Variants in ITPR3 observed in about 807,000 individuals in gnomAD.
ITPR3 encodes the protein inositol 1,4,5-trisphosphate receptor type 3.
ITPR3 carries 173 observed loss-of-function variants against 293.2 expected under a neutral mutation model. The observed-to-expected ratio is 0.59, with a 90% CI of 0.52 to 0.67. The LOEUF is 0.67. Among genes scored for constraint, ITPR3 ranks in the 30% least tolerant of loss-of-function variants. The pLI, the probability that ITPR3 is intolerant of heterozygous loss-of-function variation, is 0.00. For synonymous variants in ITPR3, 1,295 were observed against 1,444.4 expected (o/e 0.90, Z 2.35); for missense variants, 2,796 against 3,592.1 (o/e 0.78, Z 5.66).
rs61492756 is a variant in ITPR3 at position 33,644,662 on chromosome 6, G to GTT, written c.160+4126_160+4127dup. 2.4e-3 allele frequency among the ~76,000 whole-genome samples: 293 copies of GTT among 124,338 alleles called. 3 individuals are homozygous for GTT. The highest frequency in any genetic ancestry group is 3.1e-3 in the South Asian group (12 of 3,888). The allele number at this position is 124,338 out of a possible 152,430, so 81.6% of individuals were successfully genotyped here. Reference sequence around the variant, plus strand: ...AGGGATGTAACTGTGCACAATATAGGTTTTTTTTTTTTTTTTTTTGAGACA... The same window carrying GTT: ...AGGGATGTAACTGTGCACAATATAGGTTTTTTTTTTTTTTTTTTTTTGAGACA... On this transcript the variant is annotated intron_variant, in intron 2 of 57. Transcript: ENST00000605930.
chr6:33,682,705 C>A lies in ITPR3; in HGVS notation c.4597+61C>A. 1.3e-6 allele frequency: 2 copies of A among 1,539,242 alleles called. No individual in the cohort carries two copies. The highest frequency in any genetic ancestry group is 1.7e-6 in the Non-Finnish European group (2 of 1,151,630). ...CTCCTCCTGCCGCTCACAGTGGGGACGCCTGCCCTCCTAATAAACACTTTA... is the reference window on the plus strand; with the variant it reads ...CTCCTCCTGCCGCTCACAGTGGGGAAGCCTGCCCTCCTAATAAACACTTTA... On this transcript the variant is annotated intron_variant, in intron 34 of 57. Transcript: ENST00000605930. This position sits in a 1 kb window ranked among gnomAD's most constrained non-coding sequence, Gnocchi z 5.4.
At chr6:33,627,006 C>T (rs796894186) in intron 1 of ITPR3, among the ~76,000 whole-genome samples, 8 of 152,238 alleles carry the variant, frequency 5.3e-5, no homozygotes, top group African/African-American at 1.9e-4. Context: ...TGGGGTTTCT[C>T]CATGTTGGTC....
chr6:33,650,681 T>C (rs1238201432), intron 2 of ITPR3, among the ~76,000 whole-genome samples: 2 of 152,190 alleles, frequency 1.3e-5, no homozygotes, highest in Non-Finnish European at 2.9e-5. Flanking sequence ...TCCAGTGAGT[T>C]TTAAATTTTG....
intron 39 of ITPR3, 149 bp downstream of exon 39, chr6:33,685,092 A>T: frequency 1.0e-6 from 1 of 992,434 alleles, no homozygotes; most frequent in Non-Finnish European, 1.5e-6. Context: ...AGTGGGCATG[A>T]TGGGGGCAGG....
At chr6:33,659,630 G>C in intron 7 of ITPR3, 81 bp downstream of exon 7, 1 of 1,219,174 alleles carries the variant, frequency 8.2e-7, no homozygotes, top group Non-Finnish European at 1.2e-6. Flanking sequence ...TTCTCCACCC[G>C]CCAGGCCTCA....
chr6:33,679,934 T>C lies in ITPR3; in HGVS notation c.4025T>C (p.Leu1342Pro), dbSNP rs1225954113. Residue 1342 changes from leucine (L) to proline (P), a missense_variant, in exon 31 of 58, where the codon CTG becomes CCG. This residue lies in a region of ITPR3 where 344 missense variants were observed against 460.3 expected (regional missense o/e 0.75). Transcript: ENST00000605930. The surrounding 1 kb of genome is among the most constrained non-coding windows in gnomAD (Gnocchi z 4.2). Reference protein sequence around the residue: ...VVVFYNDKASLAHLLDMMKAA... With the variant: ...VVVFYNDKASPAHLLDMMKAA... The stretch of plus-strand genomic sequence containing the variant: ...GTGTTCTACAATGATAAGGCATCGC[T>C]GGCCCACCTGCTGGACATGATGAAG... 4.3e-6 allele frequency: 7 copies of C among 1,613,752 alleles called. No individual in the cohort carries two copies. Among genetic ancestry groups the C allele is most frequent in the African/African-American group, 1.3e-5 (1 of 74,920 alleles).
Position 33,687,122 on chromosome 6 carries a change from G to C in ITPR3, c.6075+18G>C, listed in dbSNP as rs370225048. ...AGGAGCTGGTGAGGCTGGGCAGGTG[G>C]GCAGGCGGGCGGAACCAGGTGGAGT... On this transcript the variant is annotated intron_variant, in intron 44 of 57. Transcript: ENST00000605930. This position sits in a 1 kb window ranked among gnomAD's most constrained non-coding sequence, Gnocchi z 5.3. 110 of 1,612,510 alleles carry C rather than the reference G, an allele frequency of 6.8e-5. No individual in the cohort carries two copies. The African/African-American group carries it at 1.3e-3, about 19-fold the overall frequency.
At chr6:33,673,816 T>C in intron 23 of ITPR3, 96 bp downstream of exon 23, 2 of 1,420,632 alleles carry the variant, frequency 1.4e-6, no homozygotes. Flanking sequence ...TGCTCCTTTT[T>C]CTAGTCTGCA....
chr6:33,677,719 C>A, intron 28 of ITPR3, 90 bp downstream of exon 28: 2 of 1,482,278 alleles, frequency 1.3e-6, no homozygotes, highest in Non-Finnish European at 1.8e-6. Context: ...TGCAGGCAAC[C>A]TCTCCCAGCC....
At chr6:33,685,975 C>A in intron 41 of ITPR3, 78 bp from the exon 42 acceptor site, 1 of 1,559,926 alleles carries the variant, frequency 6.4e-7, no homozygotes, top group Non-Finnish European at 8.8e-7. Flanking sequence ...CCCTGCAGCA[C>A]ACAAGATCGT....
rs939037964 is a variant in ITPR3, at chr6:33,666,390, C to T, written c.1551+414C>T. Among the ~76,000 whole-genome samples the T allele has an allele frequency of 2.6e-5, 4 of 151,974 alleles. No individual in the cohort carries two copies. The highest frequency in any genetic ancestry group is 2.9e-5 in the Non-Finnish European group (2 of 68,028). On this transcript the variant is annotated intron_variant, in intron 14 of 57. Coordinates refer to ENST00000605930, the MANE Select transcript of ITPR3 (RefSeq NM_002224.4). This position sits in a 1 kb window ranked among gnomAD's most constrained non-coding sequence, Gnocchi z 5.1. ...AACAAGGTGCCTCACTGTTTTGCTGCCTTGGCTTTATGTAGCTCGGTTCAC... is the reference window on the plus strand; with the variant it reads ...AACAAGGTGCCTCACTGTTTTGCTGTCTTGGCTTTATGTAGCTCGGTTCAC...
chr6:33,693,477 C>T, intron 55 of ITPR3, 68 bp from the exon 56 acceptor site: 1 of 1,571,924 alleles, frequency 6.4e-7, no homozygotes, highest in South Asian at 1.1e-5. Context: ...GCTGGGTCCC[C>T]TCCAGCAGGT....
intron 21 of ITPR3, 30 bp from the exon 22 acceptor site, chr6:33,671,999 T>C (rs773724992): frequency 1.3e-6 from 2 of 1,571,030 alleles, no homozygotes; most frequent in Admixed American, 1.8e-5. Flanking sequence ...ACAACCTCCT[T>C]GGCAACCTCC....
chr6:33,670,650 C>T lies in ITPR3; in HGVS notation c.2442-21C>T, dbSNP rs1382351372. On this transcript the variant is annotated intron_variant, in intron 19 of 57. Coordinates refer to ENST00000605930, the MANE Select transcript of ITPR3 (RefSeq NM_002224.4). The surrounding 1 kb of genome is among the most constrained non-coding windows in gnomAD (Gnocchi z 6.7). ...TGGGTGTATCTCGGGGACCTTCATG[C>T]CTCATGGCCTCCACCCTCAGCTATG... 2 of 1,613,698 alleles carry T rather than the reference C, an allele frequency of 1.2e-6. No homozygotes were observed. The highest frequency in any genetic ancestry group is 1.1e-5 in the South Asian group (1 of 91,056).
chr6:33,682,210 T>C lies in ITPR3; in HGVS notation c.4477-314T>C, dbSNP rs1765095458. ...AAGTGTTATCTTTTAAATAACCTTT[T>C]GGTTTTTCAACCATGTAAATCCATC... is the stretch of plus-strand genomic sequence containing the variant. On this transcript the variant is annotated intron_variant, in intron 33 of 57. Transcript: ENST00000605930. The surrounding 1 kb of genome is among the most constrained non-coding windows in gnomAD (Gnocchi z 5.4). Among the ~76,000 whole-genome samples, 1 of 152,246 alleles carries C rather than the reference T, an allele frequency of 6.6e-6. No homozygotes were observed. Among genetic ancestry groups the C allele is most frequent in the Non-Finnish European group, 1.5e-5 (1 of 68,042 alleles).
chr6:33,690,120 G>A lies in ITPR3; in HGVS notation c.6954G>A (p.Met2318Ile). The A allele has an allele frequency of 3.7e-6, 6 of 1,614,222 alleles. No homozygotes were observed. The highest frequency in any genetic ancestry group is 5.1e-6 in the Non-Finnish European group (6 of 1,180,040). ...GCTATAAGGCCATGGTCATGGACATGGAATTCCTCTACCACGTGGGCTACA... is the reference window on the plus strand; with the variant it reads ...GCTATAAGGCCATGGTCATGGACATAGAATTCCTCTACCACGTGGGCTACA... The part of the protein sequence containing the change: ...IRGYKAMVMD[M>I]EFLYHVGYIL... The change falls in exon 51 of 58, where the codon ATG becomes ATA. Residue 2318 changes from methionine to isoleucine, a missense_variant. Transcript: ENST00000605930.
chr6:33,684,491 T>G lies in ITPR3; in HGVS notation c.5046+26T>G. ...GTGAGTGCCCTGGTGGGGCAAGTGC[T>G]GGGTGGGCCAGTCAGGAGTACCCAG... On this transcript the variant is annotated intron_variant, in intron 37 of 57. Coordinates refer to ENST00000605930, the MANE Select transcript of ITPR3 (RefSeq NM_002224.4). This position sits in a 1 kb window ranked among gnomAD's most constrained non-coding sequence, Gnocchi z 4.2. 2.5e-6 allele frequency: 4 copies of G among 1,610,018 alleles called. No individual in the cohort carries two copies. Among genetic ancestry groups the G allele is most frequent in the African/African-American group, 1.3e-5 (1 of 74,936 alleles).
intron 1 of ITPR3, among the ~76,000 whole-genome samples, chr6:33,631,110 T>C (rs1763668317): frequency 6.6e-6 from 1 of 152,112 alleles, no homozygotes; most frequent in African/African-American, 2.4e-5. Flanking sequence ...GCTGTTGGAG[T>C]GGCCTCCTTG....
intron 28 of ITPR3, 139 bp from the exon 29 acceptor site, chr6:33,678,282 G>T: frequency 8.5e-7 from 1 of 1,174,964 alleles, no homozygotes; most frequent in Admixed American, 2.2e-5. Context: ...TGACCTGGGG[G>T]CCCCACTTTC....
Sources: gnomAD v4.1 joint callset for allele counts (sites outside exome capture counted in the v4.1 genomes callset) on GRCh38, gnomAD v4.1.1 for gene constraint, gnomAD v4.1.1 regional missense constraint, Gnocchi (gnomAD v3.1) non-coding constraint, MANE v1.5 for transcripts, NCBI Gene and HGNC (gene_info 2026-07-23, HGNC 2026-07-21) for gene names.